Variants in TMC6 observed in about 807,000 individuals in gnomAD.
TMC6 encodes the protein transmembrane channel like 6, also known as transmembrane channel-like protein 6.
A neutral mutation model predicts 95.4 loss-of-function variants in TMC6; 71 were observed. That is an observed-to-expected ratio of 0.74 (90% confidence interval 0.61 to 0.91). The LOEUF (loss-of-function observed/expected upper bound fraction) is 0.91. Among genes scored for constraint, TMC6 ranks in the 40% least tolerant of loss-of-function variants. The pLI is 0.00. For synonymous variants in TMC6, 514 were observed against 483.1 expected (o/e 1.06, Z -0.84); for missense variants, 1,074 against 1,079.1 (o/e 1.00, Z 0.07).
In TMC6 at chr17:78,120,658, C is replaced by T. The variant is rs778235026; in HGVS notation, c.1710G>A (p.Val570=). Residue 570 remains valine, a synonymous_variant, in exon 13 of 20, where the codon GTG becomes GTA. Coordinates refer to ENST00000590602, the MANE Select transcript of TMC6 (RefSeq NM_001127198.5). The stretch of plus-strand genomic sequence containing the variant: ...TCCGCCCAGGACCCCCTCACCTCCA[C>T]ACCAGTTCCCCAAAAAGCGTGTCCA... ...MLLDTLFGEL[V]WRIISEKKLK... The T allele has an allele frequency of 6.2e-7, 1 of 1,614,052 alleles. No individual in the cohort carries two copies. Among genetic ancestry groups the T allele is most frequent in the Non-Finnish European group, 8.5e-7 (1 of 1,180,016 alleles).
Position 78,126,806 on chromosome 17 carries a change from G to A in TMC6, c.27C>T (p.Leu9=), listed in dbSNP as rs145198906. 1.7e-5 allele frequency: 28 copies of A among 1,613,048 alleles called. No individual in the cohort carries two copies. The highest frequency in any genetic ancestry group is 3.3e-5 in the South Asian group (3 of 91,050). MAQPLAFI[L]DVPETPGDQG... is the part of the protein sequence containing the mutation. Reference sequence around the variant, plus strand: ...GGTCCCCTGGGGTCTCAGGGACATCGAGGATGAAGGCCAGTGGCTGGGCCA... The same window carrying A: ...GGTCCCCTGGGGTCTCAGGGACATCAAGGATGAAGGCCAGTGGCTGGGCCA... The change falls in exon 2 of 20, where the codon CTC becomes CTT. Residue 9 remains leucine, a synonymous_variant. Transcript: ENST00000590602.
chr17:78,131,382 G>A (rs886214385), upstream of TMC6: 6 of 666,184 alleles, frequency 9.0e-6, 1 homozygote, highest in Admixed American at 1.4e-4. Flanking sequence ...CTGAGCCCCG[G>A]AGGTGGCAGA....
At chr17:78,126,214 A>T (rs2074706608) in intron 4 of TMC6, 63 bp downstream of exon 4, 2 of 1,528,148 alleles carry the variant, frequency 1.3e-6, no homozygotes, top group Non-Finnish European at 1.8e-6. Context: ...AGCCCAGCCC[A>T]GCCCCAGGGA....
rs1199203462 is a variant in TMC6, at chr17:78,126,205, G to A, written c.271+72C>T. On this transcript the variant is annotated intron_variant, in intron 4 of 19. Transcript: ENST00000590602. ...TACCCAGGGAGATGCCTGGCAGGAA[G>A]CCCAGCCCAGCCCCAGGGACTGGGG... The A allele has an allele frequency of 2.4e-5, 37 of 1,521,854 alleles. No individual in the cohort carries two copies. The East Asian group carries it at 8.6e-4, about 35-fold the overall frequency. The allele number at this position is 1,521,854 out of a possible 1,614,324, so 94.3% of individuals were successfully genotyped here. A position where few individuals can be genotyped will look rare whatever the true frequency, so the allele number is the denominator to read the frequency against.
At chr17:78,117,729 CTT>C (rs2074201368) in intron 16 of TMC6, 71 bp downstream of exon 16, 6 of 1,567,118 alleles carry the variant, frequency 3.8e-6, no homozygotes, top group Non-Finnish European at 5.2e-6. Context: ...ACCCCTAAGC[CTT>C]GGGCCCCCCA....
At chr17:78,126,448 G>C in intron 3 of TMC6, 76 bp downstream of exon 3, 1 of 1,608,334 alleles carries the variant, frequency 6.2e-7, no homozygotes, top group South Asian at 1.1e-5. Context: ...GGCCTGCAGA[G>C]CTGGGAGGCC....
At chr17:78,131,198 C>T (rs753696688), upstream of TMC6, 33 of 345,824 alleles carry the variant, frequency 9.5e-5, no homozygotes, top group South Asian at 4.0e-4. Context: ...CAGGTGGATG[C>T]GGGGTGCAGC....
At chr17:78,132,172 GC>G (rs2075015649), upstream of TMC6, 3 of 1,412,394 alleles carry the variant, frequency 2.1e-6, no homozygotes, top group Non-Finnish European at 2.9e-6. Flanking sequence ...CACCCCTTCC[GC>G]CCGCAGGCAC....
In TMC6 at chr17:78,118,970, C is replaced by A; in HGVS notation, c.1887+1G>T. On this transcript the variant is annotated splice_donor_variant, in intron 15 of 19. Transcript: ENST00000590602. LOFTEE classifies it high-confidence loss of function. The stretch of plus-strand genomic sequence containing the variant: ...CCCTCCCCAGGCCTTGGCAGCCTCA[C>A]CTTCTTGACATAGAAGACGAGCAGC... 6.3e-7 allele frequency: 1 copy of A among 1,598,504 alleles called. No individual in the cohort carries two copies. Among genetic ancestry groups the A allele is most frequent in the Non-Finnish European group, 8.5e-7 (1 of 1,172,718 alleles).
At position 78,122,928 on chromosome 17, in the gene TMC6, A is replaced by C; in HGVS notation, c.1083-179T>G. 1.4e-5 allele frequency: 11 copies of C among 802,630 alleles called. No individual in the cohort carries two copies. Among genetic ancestry groups the C allele is most frequent in the Non-Finnish European group, 2.2e-5 (11 of 492,880 alleles). 49.7% of individuals were successfully genotyped at this position (802,630 alleles called of 1,614,324 possible). The stretch of plus-strand genomic sequence containing the variant: ...ACCACCAGCCCTCTACACCAGTCTC[A>C]TCCAACATAGCACCCACCAGCCACA... On this transcript the variant is annotated intron_variant, in intron 9 of 19. Transcript: ENST00000590602. The surrounding 1 kb of genome is among the most constrained non-coding windows in gnomAD (Gnocchi z 4.9).
At chr17:78,125,685 G>A in intron 5 of TMC6, 41 bp downstream of exon 5, 1 of 1,550,222 alleles carries the variant, frequency 6.5e-7, no homozygotes, top group Non-Finnish European at 8.7e-7. Context: ...CCCACCCCAG[G>A]CCGGTGTCCG....
rs553922759 is a variant in TMC6 at position 78,110,047 on chromosome 17, C to T, written c.*3101G>A. On this transcript the variant is annotated 3_prime_UTR_variant, in exon 20 of 20. Coordinates refer to ENST00000590602, the MANE Select transcript of TMC6 (RefSeq NM_001127198.5). ...TCCCGTTGCACTCCAGCCTGGGGAACAAGAGTGAAACTCCATTCCAAGAAA... is the reference window on the plus strand; with the variant it reads ...TCCCGTTGCACTCCAGCCTGGGGAATAAGAGTGAAACTCCATTCCAAGAAA... 1.4e-5 allele frequency: 2 copies of T among 145,680 alleles called. No individual in the cohort carries two copies. Among genetic ancestry groups the T allele is most frequent in the East Asian group, 4.1e-4 (2 of 4,840 alleles). The allele number at this position is 145,680 out of a possible 1,614,324, so 9.0% of individuals were successfully genotyped here.
intron 5 of TMC6, 62 bp downstream of exon 5, chr17:78,125,664 G>T: frequency 6.5e-7 from 1 of 1,544,324 alleles, no homozygotes; most frequent in Non-Finnish European, 8.7e-7. Flanking sequence ...GGCCAGGCTG[G>T]CCTCTTGCAC....
rs1379105156 is a variant in TMC6, at chr17:78,117,782, C to T, written c.2021+20G>A. On this transcript the variant is annotated intron_variant, in intron 16 of 19. Transcript: ENST00000590602. ...CCCCCAGATGACACAGAAGGGTCTC[C>T]CTCCACCCGCCCCACTCACTGCCAG... 2 of 1,600,082 alleles carry T rather than the reference C, an allele frequency of 1.2e-6. No homozygotes were observed. The highest frequency in any genetic ancestry group is 2.7e-5 in the African/African-American group (2 of 74,578).
chr17:78,118,832 C>G, intron 15 of TMC6, 139 bp downstream of exon 15: 2 of 927,160 alleles, frequency 2.2e-6, no homozygotes, highest in South Asian at 2.8e-5. Flanking sequence ...GAGGGACAGG[C>G]CAGGGCAGCC....
chr17:78,119,007 C>A lies in TMC6; in HGVS notation c.1851G>T (p.Gln617His), dbSNP rs377749979. ...AGAAGACGAGCAGCAGCTTGATGATCTGCACGGCGGGGAGGAGGGGCGAGA... is the reference window on the plus strand; with the variant it reads ...AGAAGACGAGCAGCAGCTTGATGATATGCACGGCGGGGAGGAGGGGCGAGA... ...VLFSPLLPAV[Q>H]IIKLLLVFYV... Residue 617 changes from glutamine (Q) to histidine (H), a missense_variant, in exon 15 of 20, where the codon CAG becomes CAT. Physicochemically the swap from Gln to His is conservative, Grantham distance 24 (BLOSUM62 0). Transcript: ENST00000590602. 30 of 1,605,174 alleles carry A rather than the reference C, an allele frequency of 1.9e-5. No individual in the cohort carries two copies. The highest frequency in any genetic ancestry group is 2.5e-5 in the Non-Finnish European group (29 of 1,176,258).
In TMC6 at chr17:78,117,850, A is replaced by G. The variant is rs1239135963; in HGVS notation, c.1973T>C (p.Phe658Ser). 6 of 1,608,310 alleles carry G rather than the reference A, an allele frequency of 3.7e-6. No individual in the cohort carries two copies. The South Asian group carries it at 6.6e-5, about 18-fold the overall frequency. Reference protein sequence around the residue: ...MSTVFLTLLCFPAFLGAAVFL... With the variant: ...MSTVFLTLLCSPAFLGAAVFL... ...GACAGCGGCGCCCAGGAAGGCGGGG[A>G]AGCAGAGCAGCGTGAGGAAGACGGT... The change falls in exon 16 of 20, where the codon TTC (phenylalanine) becomes TCC (serine). Residue 658 changes from phenylalanine to serine, a missense_variant. By Grantham distance (155) the Phe-to-Ser change is radical (BLOSUM62 -2). Coordinates refer to ENST00000590602, the MANE Select transcript of TMC6 (RefSeq NM_001127198.5).
In TMC6 at chr17:78,117,290, C is replaced by A. The variant is rs764781295; in HGVS notation, c.2256G>T (p.Leu752=). The A allele has an allele frequency of 1.2e-6, 2 of 1,613,570 alleles. No individual in the cohort carries two copies. Among genetic ancestry groups the A allele is most frequent in the Non-Finnish European group, 8.5e-7 (1 of 1,179,982 alleles). The change falls in exon 18 of 20, where the codon CTG becomes CTT. Residue 752 remains leucine (L), a synonymous_variant. Transcript: ENST00000590602. ...TCACATTGCTGATCTGCTCCTTGAGCAGGCAGATGACCTTGCGCTGGCCCC... is the reference window on the plus strand; with the variant it reads ...TCACATTGCTGATCTGCTCCTTGAGAAGGCAGATGACCTTGCGCTGGCCCC... ...VVRGQRKVIC[L]LKEQISNEGE...
At position 78,121,883 on chromosome 17, in the gene TMC6, T is replaced by G. The variant is rs1354009491; in HGVS notation, c.1228-172A>C. On this transcript the variant is annotated intron_variant, in intron 10 of 19. Coordinates refer to ENST00000590602, the MANE Select transcript of TMC6 (RefSeq NM_001127198.5). The surrounding 1 kb of genome is among the most constrained non-coding windows in gnomAD (Gnocchi z 5.6). ...CCTTTCATCTGCTGAGGGCCCTCCCTCCAGGCGCAGAGAGGACCCAGTCCC... is the reference window on the plus strand; with the variant it reads ...CCTTTCATCTGCTGAGGGCCCTCCCGCCAGGCGCAGAGAGGACCCAGTCCC... Among the ~76,000 whole-genome samples, 1 of 152,094 alleles carries G rather than the reference T, an allele frequency of 6.6e-6. No homozygotes were observed. The highest frequency in any genetic ancestry group is 1.5e-5 in the Non-Finnish European group (1 of 67,984).
Sources: allele counts gnomAD v4.1 joint callset (sites outside exome capture counted in the v4.1 genomes callset), GRCh38; gene constraint gnomAD v4.1.1; non-coding constraint Gnocchi (gnomAD v3.1); transcripts MANE v1.5; gene names NCBI Gene and HGNC (gene_info 2026-07-23, HGNC 2026-07-21).